Variants in ITGB4 observed in about 807,000 individuals in gnomAD.
ITGB4 encodes the protein integrin subunit beta 4.
Under a neutral mutation model 207.6 loss-of-function variants are expected in ITGB4, and 159 were observed. That is an observed-to-expected ratio of 0.77 (90% CI 0.67 to 0.87). The LOEUF (loss-of-function observed/expected upper bound fraction) is 0.87, where lower values mean the gene tolerates loss of function less well. Among genes scored for constraint, ITGB4 ranks in the 40% least tolerant of loss-of-function variants. ITGB4 has a pLI of 0.00. For synonymous variants in ITGB4, 1,020 were observed against 1,062.7 expected (o/e 0.96, Z 0.78); for missense variants, 2,278 against 2,546.8 (o/e 0.89, Z 2.27).
At position 75,722,287 on chromosome 17, in the gene ITGB4, C is replaced by T. The variant is rs995339580; in HGVS notation, c.-11+675C>T. On this transcript the variant is annotated intron_variant, in intron 1 of 39. Coordinates refer to ENST00000200181, the MANE Select transcript of ITGB4 (RefSeq NM_000213.5). The surrounding 1 kb of genome is among the most constrained non-coding windows in gnomAD (Gnocchi z 6.2). ...CTCCTGCAGCATCCGCCCTCTTTCC[C>T]ATGGCTCAGCCTCTGGGGTGGCCCT... Among the ~76,000 whole-genome samples the T allele has an allele frequency of 6.6e-6, 1 of 152,204 alleles. No homozygotes were observed. The highest frequency in any genetic ancestry group is 2.4e-5 in the African/African-American group (1 of 41,450).
chr17:75,731,747 A>G lies in ITGB4; in HGVS notation c.1216-65A>G, dbSNP rs559479043. 48 of 1,488,564 alleles carry G rather than the reference A, an allele frequency of 3.2e-5. No individual in the cohort carries two copies. The East Asian group carries it at 1.1e-3, about 35-fold the overall frequency. 92.2% of individuals were successfully genotyped at this position (1,488,564 alleles called of 1,614,324 possible). On this transcript the variant is annotated intron_variant, in intron 10 of 39. Coordinates refer to ENST00000200181, the MANE Select transcript of ITGB4 (RefSeq NM_000213.5). This position sits in a 1 kb window ranked among gnomAD's most constrained non-coding sequence, Gnocchi z 6.8. ...AGGAACTTGGGGGCCGAGGGCCTTC[A>G]GGCATCGATGGCCCCCTGGTCCTTG...
chr17:75,724,203 A>G (rs1182119145), intron 1 of ITGB4, among the ~76,000 whole-genome samples: 1 of 152,158 alleles, frequency 6.6e-6, no homozygotes, highest in African/African-American at 2.4e-5. Context: ...CAGGCCCCAG[A>G]TATTGGGAGG....
At chr17:75,751,828 C>A in intron 30 of ITGB4, 1 of 393,110 alleles carries the variant, frequency 2.5e-6, no homozygotes, top group Non-Finnish European at 4.8e-6. Context: ...GTTATTTCTC[C>A]AGTCCTGGAA....
At chr17:75,725,490 T>C (rs1599210433) in intron 2 of ITGB4, among the ~76,000 whole-genome samples, 1 of 152,170 alleles carries the variant, frequency 6.6e-6, no homozygotes, top group Middle Eastern at 3.4e-3. Context: ...TTAAAAACAA[T>C]TTTTTTGTAG....
In ITGB4 at chr17:75,731,716, TCTC is replaced by T. The variant is rs1388679611; in HGVS notation, c.1216-93_1216-91del. 2 of 1,335,924 alleles carry T rather than the reference TCTC, an allele frequency of 1.5e-6. No homozygotes were observed. The highest frequency in any genetic ancestry group is 5.0e-5 in the Admixed American group (2 of 40,136). The allele number at this position is 1,335,924 out of a possible 1,614,324, so 82.8% of individuals were successfully genotyped here. ...GGAGCTCATTTCAGGGATCCAGACA[TCTC>T]CTAGGAACTTGGGGGCCGAGGGCCT... On this transcript the variant is annotated intron_variant, in intron 10 of 39. Transcript: ENST00000200181. This position sits in a 1 kb window ranked among gnomAD's most constrained non-coding sequence, Gnocchi z 6.8.
chr17:75,732,179 C>G lies in ITGB4; in HGVS notation c.1394C>G (p.Ser465Ter). ...TCATTCCAGCAAAAAGAGGTGCGGT[C>G]AGCTCGCTGCAGCTTCAACGGAGAC... ...CTCELQKEVR[S>*]ARCSFNGDFV... Residue 465 changes from serine to a stop codon, truncating the protein, a stop_gained, in exon 12 of 40, where the codon TCA (serine) becomes TGA (stop). Transcript: ENST00000200181. LOFTEE classifies it high-confidence loss of function. This position sits in a 1 kb window ranked among gnomAD's most constrained non-coding sequence, Gnocchi z 5.3. The G allele has an allele frequency of 6.2e-7, 1 of 1,614,116 alleles. No homozygotes were observed. The highest frequency in any genetic ancestry group is 1.1e-5 in the South Asian group (1 of 91,070).
chr17:75,721,587 C>T lies in ITGB4; in HGVS notation c.-36C>T. 6.6e-6 allele frequency: 1 copy of T among 152,556 alleles called. No individual in the cohort carries two copies. The highest frequency in any genetic ancestry group is 1.5e-5 in the Non-Finnish European group (1 of 68,272). The allele number at this position is 152,556 out of a possible 1,614,324, so 9.5% of individuals were successfully genotyped here. ...AGGTAGGTCCAGGACGGGCGCACAG[C>T]AGCAGCCGAGGCTGGCCGGGAGAGG... On this transcript the variant is annotated 5_prime_UTR_variant, in exon 1 of 40. Transcript: ENST00000200181.
At position 75,730,963 on chromosome 17, in the gene ITGB4, A is replaced by G. The variant is rs370095218; in HGVS notation, c.1091A>G (p.Asn364Ser). Residue 364 changes from asparagine to serine, a missense_variant and splice_region_variant, in exon 9 of 40, where the codon AAT becomes AGT. Asn to Ser is a conservative substitution (Grantham distance 46). Coordinates refer to ENST00000200181, the MANE Select transcript of ITGB4 (RefSeq NM_000213.5). Reference protein sequence around the residue: ...NIVELLEEAFNRIRSNLDIRA... With the variant: ...NIVELLEEAFSRIRSNLDIRA... ...GTGGAGCTGCTGGAGGAGGCCTTCAATGTGAGGGCAGCTCAGGCTCCAGAG... is the reference window on the plus strand; with the variant it reads ...GTGGAGCTGCTGGAGGAGGCCTTCAGTGTGAGGGCAGCTCAGGCTCCAGAG... 1.6e-5 allele frequency: 25 copies of G among 1,612,052 alleles called. No individual in the cohort carries two copies. Among genetic ancestry groups the G allele is most frequent in the South Asian group, 6.6e-5 (6 of 91,040 alleles).
intron 33 of ITGB4, 28 bp downstream of exon 33, chr17:75,754,002 T>C: frequency 2.0e-6 from 2 of 1,021,862 alleles, no homozygotes; most frequent in East Asian, 3.4e-5. Context: ...CGCCCCCCGA[T>C]CCGCGCCCAC....
chr17:75,740,572 G>A lies in ITGB4; in HGVS notation c.2550+111G>A, dbSNP rs555713010. On this transcript the variant is annotated intron_variant, in intron 21 of 39. Coordinates refer to ENST00000200181, the MANE Select transcript of ITGB4 (RefSeq NM_000213.5). This position sits in a 1 kb window ranked among gnomAD's most constrained non-coding sequence, Gnocchi z 5.9. ...ACCGAGATTCATTAACTAGGGGAGA[G>A]GGGTCTCTCTGGACCTGTGCCTGGC... 1 of 1,035,440 alleles carries A rather than the reference G, an allele frequency of 9.7e-7. No homozygotes were observed. Among genetic ancestry groups the A allele is most frequent in the Non-Finnish European group, 1.5e-6 (1 of 674,630 alleles). The allele number at this position is 1,035,440 out of a possible 1,614,324, so 64.1% of individuals were successfully genotyped here.
At chr17:75,723,721 G>A (rs1451474656) in intron 1 of ITGB4, among the ~76,000 whole-genome samples, 4 of 152,224 alleles carry the variant, frequency 2.6e-5, no homozygotes, top group Non-Finnish European at 5.9e-5. Flanking sequence ...CCCAGAAGCC[G>A]GGCTGAGACA....
chr17:75,736,217 C>G, intron 14 of ITGB4, 63 bp downstream of exon 14: 1 of 1,603,874 alleles, frequency 6.2e-7, no homozygotes, highest in East Asian at 2.2e-5. Context: ...AGAGAGAACC[C>G]TATGGAGAGA....
chr17:75,753,757 T>C lies in ITGB4; in HGVS notation c.4109-8T>C. 7.0e-7 allele frequency: 1 copy of C among 1,426,416 alleles called. No homozygotes were observed. The highest frequency in any genetic ancestry group is 9.2e-7 in the Non-Finnish European group (1 of 1,090,836). The allele number at this position is 1,426,416 out of a possible 1,614,324, so 88.4% of individuals were successfully genotyped here. ...GCGGTGCCAACGCGGCCCTTCGTTG[T>C]TCCCAAGGCTGCGGCTGGAAGTTCG... On this transcript the variant is annotated splice_region_variant and splice_polypyrimidine_tract_variant and intron_variant, in intron 32 of 39. Coordinates refer to ENST00000200181, the MANE Select transcript of ITGB4 (RefSeq NM_000213.5).
In ITGB4 at chr17:75,740,905, A is replaced by T; in HGVS notation, c.2609+54A>T. ...GGGGAGCCGCTCCTACCGGGACTCC[A>T]GGAGCCGAAGCCCCCAGGCCGATCA... On this transcript the variant is annotated intron_variant, in intron 22 of 39. Transcript: ENST00000200181. This position sits in a 1 kb window ranked among gnomAD's most constrained non-coding sequence, Gnocchi z 5.9. 4 of 1,613,108 alleles carry T rather than the reference A, an allele frequency of 2.5e-6. No individual in the cohort carries two copies. In the South Asian group the frequency reaches 4.4e-5, roughly 18 times the overall value.
At chr17:75,744,537 G>A (rs909238857) in intron 26 of ITGB4, among the ~76,000 whole-genome samples, 5 of 152,100 alleles carry the variant, frequency 3.3e-5, no homozygotes, top group African/African-American at 1.2e-4. Context: ...CCCCCTATAT[G>A]CCCCAGTCCA....
chr17:75,754,814 C>T lies in ITGB4; in HGVS notation c.4557C>T (p.His1519=), dbSNP rs143636541. 15 of 1,613,932 alleles carry T rather than the reference C, an allele frequency of 9.3e-6. No individual in the cohort carries two copies. In the East Asian group the frequency reaches 1.3e-4, roughly 14 times the overall value. Residue 1519 remains histidine (H), a splice_region_variant and synonymous_variant, in exon 34 of 40, where the codon CAC becomes CAT. Coordinates refer to ENST00000200181, the MANE Select transcript of ITGB4 (RefSeq NM_000213.5). The part of the protein sequence containing the change: ...DYSTLTSVSS[H]DSRLTAGVPD... ...CCACCCTCACCTCCGTCTCCTCCCA[C>T]GGTGAGTGACCTCAGCCAACCCTGC...
Position 75,743,698 on chromosome 17 carries a change from C to G in ITGB4, c.2963-15C>G, listed in dbSNP as rs746456509. On this transcript the variant is annotated splice_polypyrimidine_tract_variant and intron_variant, in intron 25 of 39. Transcript: ENST00000200181. The stretch of plus-strand genomic sequence containing the variant: ...GGGCCCAGCACACTCTGACAAATGC[C>G]CGGGCTCCTTGCAGCCAGAGACGTG... The G allele has an allele frequency of 5.6e-6, 9 of 1,613,444 alleles. No homozygotes were observed. The South Asian group carries it at 9.9e-5, about 18-fold the overall frequency.
chr17:75,740,053 A>T lies in ITGB4; in HGVS notation c.2428A>T (p.Ile810Phe), dbSNP rs762022346. 1 of 1,612,624 alleles carries T rather than the reference A, an allele frequency of 6.2e-7. No homozygotes were observed. The highest frequency in any genetic ancestry group is 8.5e-7 in the Non-Finnish European group (1 of 1,179,784). ...RPGFATHAAS[I>F]NPTELVPYGL... ...TGGCTTTGCCACTCATGCCGCCAGCATCAACCCCACAGAGCTGGGTGAGGG... is the reference window on the plus strand; with the variant it reads ...TGGCTTTGCCACTCATGCCGCCAGCTTCAACCCCACAGAGCTGGGTGAGGG... Residue 810 changes from isoleucine (I) to phenylalanine (F), a missense_variant, in exon 20 of 40, where the codon ATC (isoleucine) becomes TTC (phenylalanine). Transcript: ENST00000200181. The surrounding 1 kb of genome is among the most constrained non-coding windows in gnomAD (Gnocchi z 5.9).
Position 75,750,676 on chromosome 17 carries a change from G to A in ITGB4, c.3475-4G>A, listed in dbSNP as rs2061347334. On this transcript the variant is annotated splice_polypyrimidine_tract_variant and splice_region_variant and intron_variant, in intron 28 of 39. Coordinates refer to ENST00000200181, the MANE Select transcript of ITGB4 (RefSeq NM_000213.5). The surrounding 1 kb of genome is among the most constrained non-coding windows in gnomAD (Gnocchi z 5.5). ...CTGACCAGGACCCCTGTCCCTGGGG[G>A]TAGGTAAAGTACTGGATTCAGGGTG... 1.2e-6 allele frequency: 2 copies of A among 1,612,908 alleles called. No homozygotes were observed. Among genetic ancestry groups the A allele is most frequent in the Non-Finnish European group, 1.7e-6 (2 of 1,179,918 alleles).
Sources: gnomAD v4.1 joint callset for allele counts (sites outside exome capture counted in the v4.1 genomes callset) on GRCh38, gnomAD v4.1.1 for gene constraint, Gnocchi (gnomAD v3.1) non-coding constraint, MANE v1.5 for transcripts, NCBI Gene and HGNC (gene_info 2026-07-23, HGNC 2026-07-21) for gene names.